PEAK1: variants seen among roughly 807,000 people sequenced by gnomAD.
PEAK1 encodes the protein inactive tyrosine-protein kinase PEAK1.
PEAK1 carries 54 observed loss-of-function variants against 124.7 expected under a neutral mutation model. That is an observed-to-expected ratio of 0.43 (90% CI 0.35 to 0.54). The LOEUF (loss-of-function observed/expected upper bound fraction) is 0.54, where lower values mean the gene tolerates loss of function less well. Ranked by LOEUF, PEAK1 falls within the 20% of genes least tolerant of loss-of-function variation. PEAK1 has a pLI of 0.01. For synonymous variants in PEAK1, 719 were observed against 760.0 expected, an observed-to-expected ratio of 0.95 and a Z score of 0.89; for missense variants, 2,046 against 2,134.5, an observed-to-expected ratio of 0.96 and a Z score of 0.82.
At chr15:77,419,391 A>G in intron 1 of PEAK1, 2 of 985,322 alleles carry the variant, frequency 2.0e-6, no homozygotes, top group Non-Finnish European at 2.4e-6. Context: ...AAAGGGCAGA[A>G]AAGAAAAAAA....
At chr15:77,234,107 T>A (rs1379837536) in intron 6 of PEAK1, among the ~76,000 whole-genome samples, 1 of 152,090 alleles carries the variant, frequency 6.6e-6, no homozygotes, top group Non-Finnish European at 1.5e-5. Context: ...CTTGAGTGAT[T>A]CTCCCATCTC....
At chr15:77,335,427 CTATTTTGCCCAATACTGTTGTCTGT>C in intron 2 of PEAK1, 1 of 985,082 alleles carries the variant, frequency 1.0e-6, no homozygotes, top group Non-Finnish European at 1.2e-6. Flanking sequence ...TTTTTTTCTG[CTATTTTGCCCAATACTGTTGTCTGT>C]ATTCTTATCA....
At chr15:77,410,728 C>T (rs975098449) in intron 1 of PEAK1, among the ~76,000 whole-genome samples, 1 of 152,162 alleles carries the variant, frequency 6.6e-6, no homozygotes, top group Non-Finnish European at 1.5e-5. Context: ...TATAAATATG[C>T]TCAGATTTCT....
intron 2 of PEAK1, among the ~76,000 whole-genome samples, chr15:77,360,076 T>C (rs569433251): frequency 1.2e-4 from 18 of 152,270 alleles, no homozygotes; most frequent in African/African-American, 4.1e-4. Flanking sequence ...GATAGACAAA[T>C]CAATGGAACA....
At chr15:77,295,251 A>T (rs2063424794) in intron 2 of PEAK1, among the ~76,000 whole-genome samples, 1 of 152,142 alleles carries the variant, frequency 6.6e-6, no homozygotes, top group African/African-American at 2.4e-5. Context: ...AGTTTTTACT[A>T]AGCTGTGTAG....
chr15:77,251,435 G>T (rs2060876595), intron 6 of PEAK1, among the ~76,000 whole-genome samples: 1 of 151,820 alleles, frequency 6.6e-6, no homozygotes, highest in Non-Finnish European at 1.5e-5. Flanking sequence ...TTTTCAAAAG[G>T]TAGAAAGAAA....
chr15:77,318,233 CCACTGT>C (rs1175002760), intron 2 of PEAK1, among the ~76,000 whole-genome samples: 1 of 151,994 alleles, frequency 6.6e-6, no homozygotes, highest in African/African-American at 2.4e-5. Context: ...ATGGATTATA[CCACTGT>C]CGATTTTACG....
At chr15:77,236,135 C>A (rs536391202) in intron 6 of PEAK1, among the ~76,000 whole-genome samples, 120 of 152,352 alleles carry the variant, frequency 7.9e-4, no homozygotes, top group African/African-American at 2.7e-3. Flanking sequence ...CCCCACTGGG[C>A]ACTACTTAGT....
chr15:77,341,860 G>A (rs115078807), intron 2 of PEAK1, among the ~76,000 whole-genome samples: 3,446 of 152,242 alleles, frequency 0.023, 111 homozygotes, highest in African/African-American at 0.072. Context: ...ATGTTAATAA[G>A]GGAAACTGTG....
At chr15:77,270,580 A>G (rs538181544) in intron 5 of PEAK1, among the ~76,000 whole-genome samples, 71 of 152,330 alleles carry the variant, frequency 4.7e-4, no homozygotes, top group Middle Eastern at 3.4e-3. Flanking sequence ...AGGGATGTAA[A>G]GGACCTTTTC....
At chr15:77,376,986 C>G (rs1434914492) in intron 1 of PEAK1, among the ~76,000 whole-genome samples, 1 of 152,154 alleles carries the variant, frequency 6.6e-6, no homozygotes, top group African/African-American at 2.4e-5. Flanking sequence ...GCCTACTATA[C>G]CCAGAGGCTA....
intron 3 of PEAK1, 148 bp downstream of exon 3, chr15:77,286,275 G>T: frequency 2.5e-6 from 1 of 397,822 alleles, no homozygotes; most frequent in Non-Finnish European, 4.3e-6. Flanking sequence ...AGTTTGAAAA[G>T]AGCATGTCTT....
At chr15:77,311,731 T>C (rs1310061289) in intron 2 of PEAK1, among the ~76,000 whole-genome samples, 1 of 144,012 alleles carries the variant, frequency 6.9e-6, no homozygotes, top group Non-Finnish European at 1.5e-5. Context: ...AAGGCAGAAG[T>C]TGTTAAACGT....
intron 6 of PEAK1, among the ~76,000 whole-genome samples, chr15:77,201,823 G>A (rs890648627): frequency 1.3e-5 from 2 of 152,250 alleles, no homozygotes; most frequent in African/African-American, 4.8e-5. Flanking sequence ...GGAATGCCTA[G>A]CACCTTGGAA....
chr15:77,262,279 T>A (rs1272112047), intron 5 of PEAK1, among the ~76,000 whole-genome samples: 1 of 152,040 alleles, frequency 6.6e-6, no homozygotes, highest in Non-Finnish European at 1.5e-5. Flanking sequence ...TAAATGTAAA[T>A]GGGCTAAATG....
At chr15:77,391,331 C>T (rs2070429189) in intron 1 of PEAK1, among the ~76,000 whole-genome samples, 1 of 151,972 alleles carries the variant, frequency 6.6e-6, no homozygotes, top group Non-Finnish European at 1.5e-5. Context: ...CTGCAAGCTG[C>T]TATATACCAG....
At chr15:77,188,883 CA>C (rs2057683318) in intron 6 of PEAK1, among the ~76,000 whole-genome samples, 1 of 152,068 alleles carries the variant, frequency 6.6e-6, no homozygotes, top group African/African-American at 2.4e-5. Context: ...TACTAAGTAC[CA>C]GGCCCTTTAC....
intron 1 of PEAK1, among the ~76,000 whole-genome samples, chr15:77,390,238 G>A (rs1288692132): frequency 6.6e-6 from 1 of 152,192 alleles, no homozygotes; most frequent in African/African-American, 2.4e-5. Flanking sequence ...GGGAAGTGGA[G>A]CATCATATTC....
chr15:77,342,416 T>C (rs1567283248), intron 2 of PEAK1, among the ~76,000 whole-genome samples: 1 of 150,712 alleles, frequency 6.6e-6, no homozygotes, highest in Non-Finnish European at 1.5e-5. Context: ...TTTTTTTTTT[T>C]TTTTTTTTGA....
Sources: gnomAD v4.1 joint callset for allele counts (sites outside exome capture counted in the v4.1 genomes callset) on GRCh38, gnomAD v4.1.1 for gene constraint, MANE v1.5 for transcripts, NCBI Gene and HGNC (gene_info 2026-07-23, HGNC 2026-07-21) for gene names.